Variants in FSCN1 observed in about 807,000 individuals in gnomAD.
The protein encoded by FSCN1 is fascin.
FSCN1 carries 10 observed loss-of-function variants against 39.7 expected under a neutral mutation model. That is an observed-to-expected ratio of 0.25 (90% CI 0.16 to 0.43). FSCN1 has a LOEUF of 0.43. FSCN1 is among the 20% of genes least tolerant of loss of function. FSCN1 has a pLI of 1.00. For synonymous variants in FSCN1, 322 were observed against 320.0 expected (o/e 1.01, Z -0.07); for missense variants, 525 against 723.8 (o/e 0.73, Z 3.15).
chr7:5,600,786 A>G (rs1426453382), intron 1 of FSCN1, among the ~76,000 whole-genome samples: 1 of 149,552 alleles, frequency 6.7e-6, no homozygotes, highest in Non-Finnish European at 1.5e-5. Flanking sequence ...CCCGAGTAGC[A>G]GGGACTACAG....
chr7:5,597,684 CAAAA>C (rs535461013), intron 1 of FSCN1, among the ~76,000 whole-genome samples: 1 of 139,972 alleles, frequency 7.1e-6, no homozygotes, highest in Non-Finnish European at 1.6e-5. Flanking sequence ...CAAAACAAAA[CAAAA>C]AAAACAACCA....
chr7:5,594,456 G>T (rs1785694166), intron 1 of FSCN1: 1 of 152,464 alleles, frequency 6.6e-6, no homozygotes, highest in South Asian at 2.1e-4. Context: ...AGGGGGGCGG[G>T]TCGCCTCGAC....
In FSCN1 at chr7:5,593,211, T is replaced by A; in HGVS notation, c.275T>A (p.Leu92His). Reference protein sequence around the residue: ...REVPGPDCRFLIVAHDDGRWS... With the variant: ...REVPGPDCRFHIVAHDDGRWS... Reference sequence around the variant, plus strand: ...GTGCCCGGTCCCGACTGCCGTTTCCTCATCGTGGCGCACGACGACGGTCGC... The same window carrying A: ...GTGCCCGGTCCCGACTGCCGTTTCCACATCGTGGCGCACGACGACGGTCGC... Residue 92 changes from leucine to histidine, a missense_variant, in exon 1 of 5, where the codon CTC (leucine) becomes CAC (histidine). Leu to His is a moderately conservative substitution (Grantham distance 99, BLOSUM62 -3). Coordinates refer to ENST00000382361, the MANE Select transcript of FSCN1 (RefSeq NM_003088.4). 1 of 1,606,224 alleles carries A rather than the reference T, an allele frequency of 6.2e-7. No individual in the cohort carries two copies.
intron 1 of FSCN1, among the ~76,000 whole-genome samples, chr7:5,600,656 T>C (rs1383762242): frequency 7.1e-6 from 1 of 140,794 alleles, no homozygotes; most frequent in Non-Finnish European, 1.5e-5. Context: ...CACCCCCAGC[T>C]AATTTTTTTT....
chr7:5,594,045 A>ACCCCCCCCCCCCCCCCCCCCCCCCC (rs758470979), intron 1 of FSCN1: 2 of 262,496 alleles, frequency 7.6e-6, no homozygotes, highest in Non-Finnish European at 6.6e-6. Context: ...CACCCTCCTA[A>ACCCCCCCCCCCCCCCCCCCCCCCCC]CCCCCCCCCC....
intron 1 of FSCN1, chr7:5,594,066 T>G: frequency 1.3e-5 from 4 of 309,156 alleles, no homozygotes; most frequent in East Asian, 5.5e-5. Context: ...CGCCCAATCT[T>G]GGCTCTCCCC....
chr7:5,600,523 T>C (rs1437339274), intron 1 of FSCN1, among the ~76,000 whole-genome samples: 2 of 151,920 alleles, frequency 1.3e-5, no homozygotes, highest in South Asian at 2.1e-4. Flanking sequence ...GACAGAGTCT[T>C]GCTCTGTCGC....
chr7:5,601,058 G>A (rs537085958), intron 1 of FSCN1, among the ~76,000 whole-genome samples: 1 of 151,644 alleles, frequency 6.6e-6, no homozygotes, highest in Non-Finnish European at 1.5e-5. Flanking sequence ...CAAAGTGCTG[G>A]GATTACAGGT....
chr7:5,593,027 T>C lies in FSCN1; in HGVS notation c.91T>C (p.Phe31Leu). The change falls in exon 1 of 5, where the codon TTC (phenylalanine) becomes CTC (leucine). Residue 31 changes from phenylalanine to leucine, a missense_variant. Transcript: ENST00000382361. ...NKYLTAEAFG[F>L]KVNASASSLK... ...GTACCTGACGGCCGAGGCGTTCGGG[T>C]TCAAGGTGAACGCGTCCGCCAGCAG... 3 of 1,598,150 alleles carry C rather than the reference T, an allele frequency of 1.9e-6. No individual in the cohort carries two copies. The highest frequency in any genetic ancestry group is 2.6e-6 in the Non-Finnish European group (3 of 1,172,968).
intron 1 of FSCN1, among the ~76,000 whole-genome samples, chr7:5,600,859 C>T (rs116947168): frequency 0.047 from 7,150 of 151,126 alleles, 187 homozygotes; most frequent in East Asian, 0.081. Context: ...CGGGTTTCAC[C>T]GTGTTAGGAT....
intron 1 of FSCN1, among the ~76,000 whole-genome samples, chr7:5,600,991 A>T (rs1429520862): frequency 3.3e-5 from 4 of 123,036 alleles, no homozygotes; most frequent in African/African-American, 1.4e-4. Context: ...AGGTTTCACC[A>T]TGTTGGCCAG....
Position 5,593,303 on chromosome 7 carries a change from G to C in FSCN1, c.367G>C (p.Ala123Pro). 6.2e-7 allele frequency: 1 copy of C among 1,610,774 alleles called. No individual in the cohort carries two copies. Among genetic ancestry groups the C allele is most frequent in the Non-Finnish European group, 8.5e-7 (1 of 1,179,190 alleles). ...GGTEDRLSCF[A>P]QTVSPAEKWS... The stretch of plus-strand genomic sequence containing the variant: ...CACCGAGGACCGCCTGTCCTGCTTC[G>C]CGCAGACGGTGTCCCCCGCCGAGAA... Residue 123 changes from alanine to proline, a missense_variant, in exon 1 of 5, where the codon GCG (alanine) becomes CCG (proline). Ala to Pro is a conservative substitution (Grantham distance 27, BLOSUM62 -1). Coordinates refer to ENST00000382361, the MANE Select transcript of FSCN1 (RefSeq NM_003088.4).
rs143770444 is a variant in FSCN1, at chr7:5,597,249, G to A, written c.832+3481G>A. Among the ~76,000 whole-genome samples the A allele has an allele frequency of 7.9e-3, 1,200 of 152,298 alleles. 8 individuals are homozygous for A. The highest frequency in any genetic ancestry group is 0.025 in the African/African-American group (1,048 of 41,564). Reference sequence around the variant, plus strand: ...CCAGGCATGGTGATGCACGCCTGTCGTCCCAGCTACTCAGGAGGCTTAGAT... The same window carrying A: ...CCAGGCATGGTGATGCACGCCTGTCATCCCAGCTACTCAGGAGGCTTAGAT... On this transcript the variant is annotated intron_variant, in intron 1 of 4. Transcript: ENST00000382361.
At position 5,605,179 on chromosome 7, in the gene FSCN1, C is replaced by T; in HGVS notation, c.1280-93C>T. 1.1e-6 allele frequency: 1 copy of T among 905,012 alleles called. No homozygotes were observed. The highest frequency in any genetic ancestry group is 1.8e-6 in the Non-Finnish European group (1 of 566,086). 56.1% of individuals were successfully genotyped at this position (905,012 alleles called of 1,614,324 possible). A position where few individuals can be genotyped will look rare whatever the true frequency, so the allele number is the denominator to read the frequency against. On this transcript the variant is annotated intron_variant, in intron 4 of 4. Coordinates refer to ENST00000382361, the MANE Select transcript of FSCN1 (RefSeq NM_003088.4). This position sits in a 1 kb window ranked among gnomAD's most constrained non-coding sequence, Gnocchi z 6.9. The stretch of plus-strand genomic sequence containing the variant: ...GAGCCGGGACTGGAGGGTGGGGCGT[C>T]ACCCTTGGGAACACCCGTGCCCACC...
chr7:5,601,351 C>T (rs759938112), intron 1 of FSCN1, among the ~76,000 whole-genome samples: 3 of 151,644 alleles, frequency 2.0e-5, no homozygotes, highest in African/African-American at 7.3e-5. Context: ...TACAGGCATG[C>T]CCCACCATGC....
chr7:5,605,456 C>T lies in FSCN1; in HGVS notation c.1464C>T (p.Ala488=). 9 of 1,586,996 alleles carry T rather than the reference C, an allele frequency of 5.7e-6. No homozygotes were observed. The highest frequency in any genetic ancestry group is 7.7e-6 in the Non-Finnish European group (9 of 1,166,808). The change falls in exon 5 of 5, where the codon GCC becomes GCT. Residue 488 remains alanine (A), a synonymous_variant. Coordinates refer to ENST00000382361, the MANE Select transcript of FSCN1 (RefSeq NM_003088.4). The surrounding 1 kb of genome is among the most constrained non-coding windows in gnomAD (Gnocchi z 6.9). ...CCTCGGCGGAAACCGTGGACCCCGC[C>T]TCGCTCTGGGAGTACTAGGGCCGGC... ...LKASAETVDP[A]SLWEY
chr7:5,593,110 G>T lies in FSCN1; in HGVS notation c.174G>T (p.Ala58=), dbSNP rs770689600. ...AGCCCCCTGACGAGGCGGGCAGCGC[G>T]GCCGTGTGCCTGCGCAGCCACCTGG... ...LEQPPDEAGS[A]AVCLRSHLGR... is the part of the protein sequence containing the mutation. The change falls in exon 1 of 5, where the codon GCG becomes GCT. Residue 58 remains alanine (A), a synonymous_variant. Coordinates refer to ENST00000382361, the MANE Select transcript of FSCN1 (RefSeq NM_003088.4). The T allele has an allele frequency of 2.5e-6, 4 of 1,604,884 alleles. No homozygotes were observed. In the East Asian group the frequency reaches 9.0e-5, roughly 36 times the overall value.
rs533924061 is a variant in FSCN1 at position 5,594,230 on chromosome 7, G to C, written c.832+462G>C. The stretch of plus-strand genomic sequence containing the variant: ...GCAAGGGCGCGCCTCCACCCCCACC[G>C]GCAGCCTTTCGCGGGCGAGATGGGG... On this transcript the variant is annotated intron_variant, in intron 1 of 4. Coordinates refer to ENST00000382361, the MANE Select transcript of FSCN1 (RefSeq NM_003088.4). Among the ~76,000 whole-genome samples, 21 of 152,068 alleles carry C rather than the reference G, an allele frequency of 1.4e-4. No homozygotes were observed. The South Asian group carries it at 4.2e-3, about 30-fold the overall frequency.
At position 5,605,055 on chromosome 7, in the gene FSCN1, G is replaced by A. The variant is rs150131269; in HGVS notation, c.1280-217G>A. Among the ~76,000 whole-genome samples the A allele has an allele frequency of 2.6e-3, 402 of 152,330 alleles. 3 individuals are homozygous for A. The highest frequency in any genetic ancestry group is 9.3e-3 in the African/African-American group (387 of 41,568). On this transcript the variant is annotated intron_variant, in intron 4 of 4. Transcript: ENST00000382361. The surrounding 1 kb of genome is among the most constrained non-coding windows in gnomAD (Gnocchi z 6.9). ...CCCAAAGTGCTGGGATTACAGGCGTGAGCCACTGCGGCCGAGCAGAACACG... is the reference window on the plus strand; with the variant it reads ...CCCAAAGTGCTGGGATTACAGGCGTAAGCCACTGCGGCCGAGCAGAACACG...
Sources: allele counts gnomAD v4.1 joint callset (sites outside exome capture counted in the v4.1 genomes callset), GRCh38; gene constraint gnomAD v4.1.1; non-coding constraint Gnocchi (gnomAD v3.1); transcripts MANE v1.5; gene names NCBI Gene and HGNC (gene_info 2026-07-23, HGNC 2026-07-21).